PGR: variants seen among roughly 807,000 people sequenced by gnomAD.
The protein encoded by PGR is nuclear receptor subfamily 3 group C member 3.
Under a neutral mutation model 76.1 loss-of-function variants are expected in PGR, and 25 were observed. That is an observed-to-expected ratio of 0.33 (90% CI 0.24 to 0.46). The LOEUF is 0.46. Among genes scored for constraint, PGR ranks in the 20% least tolerant of loss-of-function variants. The pLI, the probability that PGR is intolerant of heterozygous loss-of-function variation, is 1.00. For synonymous variants in PGR, 579 were observed against 535.0 expected (o/e 1.08, Z -1.14); for missense variants, 1,172 against 1,225.3 (o/e 0.96, Z 0.65).
At chr11:101,091,370 G>T (rs1426421653) in intron 3 of PGR, among the ~76,000 whole-genome samples, 1 of 152,192 alleles carries the variant, frequency 6.6e-6, no homozygotes, top group African/African-American at 2.4e-5. Context: ...AATTTTTTGA[G>T]CTGAAAGGAA....
At chr11:101,061,796 C>T (rs750361399) in intron 4 of PGR, among the ~76,000 whole-genome samples, 1 of 152,126 alleles carries the variant, frequency 6.6e-6, no homozygotes, top group Non-Finnish European at 1.5e-5. Context: ...TTGGCTCCTA[C>T]AGAGCTGTGC....
intron 2 of PGR, among the ~76,000 whole-genome samples, chr11:101,112,046 A>G (rs955133250): frequency 6.6e-5 from 10 of 152,190 alleles, no homozygotes; most frequent in African/African-American, 2.2e-4. Flanking sequence ...GGAGTGATCA[A>G]TTGTCAAATG....
At chr11:101,062,039 T>G (rs949403827) in intron 4 of PGR, among the ~76,000 whole-genome samples, 7 of 152,200 alleles carry the variant, frequency 4.6e-5, no homozygotes, top group African/African-American at 1.7e-4. Context: ...CTACTTTGAT[T>G]TGTTATATGA....
At chr11:101,125,864 T>A (rs966957512) in intron 2 of PGR, 143 bp downstream of exon 2, 20 of 771,800 alleles carry the variant, frequency 2.6e-5, no homozygotes, top group Non-Finnish European at 4.0e-5. Context: ...AACATATTGT[T>A]AAAATGTCAT....
chr11:101,033,899 A>C lies in PGR; in HGVS notation c.*5217T>G, dbSNP rs1859428144. The C allele has an allele frequency of 4.6e-6, 1 of 217,332 alleles. No individual in the cohort carries two copies. Among genetic ancestry groups the C allele is most frequent in the Non-Finnish European group, 9.3e-6 (1 of 108,062 alleles). 13.5% of individuals were successfully genotyped at this position (217,332 alleles called of 1,614,324 possible). On this transcript the variant is annotated 3_prime_UTR_variant, in exon 8 of 8. Coordinates refer to ENST00000325455, the MANE Select transcript of PGR (RefSeq NM_000926.4). Reference sequence around the variant, plus strand: ...GATAAATTGAATACATCAGGATTTGATGTATTAAGAGCAATTTCAAAAGAT... The same window carrying C: ...GATAAATTGAATACATCAGGATTTGCTGTATTAAGAGCAATTTCAAAAGAT...
rs747593565 is a variant in PGR at position 101,039,122 on chromosome 11, T to C, written c.2796A>G (p.Lys932=). The C allele has an allele frequency of 2.7e-5, 44 of 1,610,834 alleles. 1 individual carries two copies. The South Asian group carries it at 4.8e-4, about 18-fold the overall frequency. ...TAAAAGAAAAAGATGACATTCACTT[T>C]TTATGAAAGAGAAGGGGTTTCACCA... ...AGMVKPLLFH[K]K is the part of the protein sequence containing the mutation. Residue 932 remains lysine (K), a synonymous_variant, in exon 8 of 8, where the codon AAA becomes AAG. Coordinates refer to ENST00000325455, the MANE Select transcript of PGR (RefSeq NM_000926.4).
intron 2 of PGR, among the ~76,000 whole-genome samples, chr11:101,105,155 C>A (rs1424840819): frequency 1.3e-5 from 2 of 151,872 alleles, no homozygotes; most frequent in Non-Finnish European, 2.9e-5. Context: ...CAGCAGAGTG[C>A]AGATGCTGTA....
chr11:101,125,073 T>C (rs781758077), intron 2 of PGR, among the ~76,000 whole-genome samples: 13 of 152,086 alleles, frequency 8.5e-5, no homozygotes, highest in Non-Finnish European at 1.5e-4. Context: ...ATTCAGATCC[T>C]TGGTTCCTTG....
At chr11:101,081,621 G>T (rs1263156192) in intron 3 of PGR, among the ~76,000 whole-genome samples, 2 of 152,114 alleles carry the variant, frequency 1.3e-5, no homozygotes, top group Admixed American at 1.3e-4. Flanking sequence ...GTTCTTAAAA[G>T]AAATTTCAAC....
In PGR at chr11:101,127,594, C is replaced by G. The variant is rs1862896834; in HGVS notation, c.1477G>C (p.Asp493His). ...PGASGCLLPR[D>H]GLPSTSASAA... is the part of the protein sequence containing the mutation. ...GAGGCGGAGGTGGAGGGCAGGCCGT[C>G]CCGCGGGAGCAGGCAGCCGCTCGCG... Residue 493 changes from aspartate to histidine, a missense_variant, in exon 1 of 8, where the codon GAC becomes CAC. Around this residue, in one of 4 missense-constraint regions of PGR, gnomAD observed 893 missense variants for 785.9 expected, o/e 1.14. Transcript: ENST00000325455. 2 of 1,304,896 alleles carry G rather than the reference C, an allele frequency of 1.5e-6. No homozygotes were observed. Among genetic ancestry groups the G allele is most frequent in the African/African-American group, 3.1e-5 (2 of 64,680 alleles). The allele number at this position is 1,304,896 out of a possible 1,614,324, so 80.8% of individuals were successfully genotyped here.
rs1241953281 is a variant in PGR at position 101,128,311 on chromosome 11, C to G, written c.760G>C (p.Ala254Pro). The G allele has an allele frequency of 6.3e-7, 1 of 1,594,220 alleles. No individual in the cohort carries two copies. Among genetic ancestry groups the G allele is most frequent in the Non-Finnish European group, 8.5e-7 (1 of 1,176,510 alleles). Residue 254 changes from alanine to proline, a missense_variant, in exon 1 of 8, where the codon GCG (alanine) becomes CCG (proline). Ala to Pro is a conservative substitution (Grantham distance 27, BLOSUM62 -1). Around this residue, in one of 4 missense-constraint regions of PGR, gnomAD observed 893 missense variants for 785.9 expected, o/e 1.14. Coordinates refer to ENST00000325455, the MANE Select transcript of PGR (RefSeq NM_000926.4). The part of the protein sequence containing the change: ...LGGAAAGGGA[A>P]AVPPGAAAGG... Reference sequence around the variant, plus strand: ...GCTGCCGCCCCCGGCGGGACAGCCGCGGCTCCTCCTCCAGCCGCCGCGCCA... The same window carrying G: ...GCTGCCGCCCCCGGCGGGACAGCCGGGGCTCCTCCTCCAGCCGCCGCGCCA...
At chr11:101,099,624 G>C (rs1309277723) in intron 2 of PGR, among the ~76,000 whole-genome samples, 1 of 152,154 alleles carries the variant, frequency 6.6e-6, no homozygotes, top group East Asian at 1.9e-4. Context: ...ATCTGTGTAG[G>C]GTCAGTCAGC....
rs1050215296 is a variant in PGR at position 101,032,009 on chromosome 11, C to T, written c.*7107G>A. 8.6e-5 allele frequency: 20 copies of T among 232,526 alleles called. No homozygotes were observed. The highest frequency in any genetic ancestry group is 4.2e-4 in the African/African-American group (19 of 45,280). The allele number at this position is 232,526 out of a possible 1,614,324, so 14.4% of individuals were successfully genotyped here. ...AGGTAGGGATATAGGTGGAGTGGTA[C>T]AGATTGTTTGGACAGATAGAATTCT... On this transcript the variant is annotated 3_prime_UTR_variant, in exon 8 of 8. Transcript: ENST00000325455.
chr11:101,058,285 C>A (rs1055693220), intron 4 of PGR, among the ~76,000 whole-genome samples: 56 of 152,112 alleles, frequency 3.7e-4, no homozygotes, highest in African/African-American at 1.4e-3. Context: ...ATGGTTTAGT[C>A]TTTATCAACA....
At chr11:101,067,103 T>C (rs960948026) in intron 3 of PGR, among the ~76,000 whole-genome samples, 4 of 152,116 alleles carry the variant, frequency 2.6e-5, no homozygotes, top group South Asian at 4.1e-4. Context: ...GCTCCACCCA[T>C]ATTGATGCCC....
intron 5 of PGR, among the ~76,000 whole-genome samples, 160 bp downstream of exon 5, chr11:101,051,264 A>G (rs1860078896): frequency 6.6e-6 from 1 of 152,142 alleles, no homozygotes; most frequent in South Asian, 2.1e-4. Context: ...CTATATTTTG[A>G]AACAAGAGGA....
rs181803999 is a variant in PGR, at chr11:101,109,245, G to A, written c.1789+16762C>T. Among the ~76,000 whole-genome samples, 383 of 152,250 alleles carry A rather than the reference G, an allele frequency of 2.5e-3. 2 individuals are homozygous for A. Among genetic ancestry groups the A allele is most frequent in the African/African-American group, 9.0e-3 (372 of 41,554 alleles). Reference sequence around the variant, plus strand: ...AAGTGAAAGGAAGGGTTGCATATGTGTCACCTTAAATTAAAAGCTAGAAAG... The same window carrying A: ...AAGTGAAAGGAAGGGTTGCATATGTATCACCTTAAATTAAAAGCTAGAAAG... On this transcript the variant is annotated intron_variant, in intron 2 of 7. Transcript: ENST00000325455.
At chr11:101,101,384 T>C (rs1461692768) in intron 2 of PGR, among the ~76,000 whole-genome samples, 2 of 152,202 alleles carry the variant, frequency 1.3e-5, no homozygotes, top group Non-Finnish European at 2.9e-5. Flanking sequence ...AAATTAAAAG[T>C]AAATAATAAG....
chr11:101,098,560 C>G (rs1189634880), intron 2 of PGR, among the ~76,000 whole-genome samples: 1 of 152,028 alleles, frequency 6.6e-6, no homozygotes, highest in Non-Finnish European at 1.5e-5. Flanking sequence ...AAGCATGTTG[C>G]TTAATTTCAG....
Sources: gnomAD v4.1 joint callset for allele counts (sites outside exome capture counted in the v4.1 genomes callset) on GRCh38, gnomAD v4.1.1 for gene constraint, gnomAD v4.1.1 regional missense constraint, MANE v1.5 for transcripts, NCBI Gene and HGNC (gene_info 2026-07-23, HGNC 2026-07-21) for gene names.